NFYC: variants seen among roughly 807,000 people sequenced by gnomAD.
NFYC encodes nuclear transcription factor Y subunit gamma.
In NFYC, 25 loss-of-function variants were observed where a neutral mutation model predicts 53.1. That is an observed-to-expected ratio of 0.47 (90% confidence interval 0.34 to 0.66). The LOEUF is 0.66. Ranked by LOEUF, NFYC falls within the 30% of genes least tolerant of loss-of-function variation. NFYC has a pLI of 0.01. For synonymous variants in NFYC, 145 were observed against 152.6 expected, an observed-to-expected ratio of 0.95 and a Z score of 0.37; for missense variants, 260 against 422.7, an observed-to-expected ratio of 0.62 and a Z score of 3.38.
intron 1 of NFYC, among the ~76,000 whole-genome samples, chr1:40,733,283 A>T (rs924259448): frequency 2.0e-5 from 3 of 151,740 alleles, no homozygotes; most frequent in African/African-American, 7.3e-5. Flanking sequence ...GGGCCTCCTT[A>T]ATGCTCCCAA....
In NFYC at chr1:40,749,590, G is replaced by A. The variant is rs778310780; in HGVS notation, c.195G>A (p.Ala65=). Residue 65 remains alanine (A), a synonymous_variant, in exon 4 of 10, where the codon GCG becomes GCA. Coordinates refer to ENST00000447388, the MANE Select transcript of NFYC (RefSeq NM_014223.5). ...DEDVKMISAE[A]PVLFAKAAQI... ...TGTTACAGATGATCAGTGCAGAAGC[G>A]CCTGTACTCTTTGCCAAGGCAGCCC... 12 of 1,613,746 alleles carry A rather than the reference G, an allele frequency of 7.4e-6. No individual in the cohort carries two copies. Among genetic ancestry groups the A allele is most frequent in the South Asian group, 6.6e-5 (6 of 91,074 alleles).
At chr1:40,709,475 G>A (rs1370279597) in intron 1 of NFYC, 2 of 152,292 alleles carry the variant, frequency 1.3e-5, no homozygotes, top group Non-Finnish European at 2.9e-5. Context: ...TTTCAGTGGA[G>A]TGGACATTCC....
intron 1 of NFYC, among the ~76,000 whole-genome samples, chr1:40,704,532 T>C (rs766006013): frequency 5.3e-5 from 8 of 152,228 alleles, no homozygotes; most frequent in African/African-American, 7.2e-5. Context: ...TAAGAGTGAA[T>C]GGATTCAGCT....
intron 6 of NFYC, among the ~76,000 whole-genome samples, chr1:40,760,212 C>T (rs992974444): frequency 2.0e-5 from 3 of 152,188 alleles, no homozygotes; most frequent in Non-Finnish European, 4.4e-5. Context: ...CCACCTTGGC[C>T]TCCCACAGTG....
intron 5 of NFYC, chr1:40,757,232 C>T (rs1436182180): frequency 1.6e-5 from 7 of 427,062 alleles, no homozygotes; most frequent in African/African-American, 6.0e-5. Flanking sequence ...GATCAGACGC[C>T]GTTCTGTGTC....
At chr1:40,734,340 CTTTATTTA>C (rs34100786) in intron 1 of NFYC, among the ~76,000 whole-genome samples, 3,471 of 146,602 alleles carry the variant, frequency 0.024, 99 homozygotes, top group African/African-American at 0.072. Context: ...ACTACGGTTG[CTTTATTTA>C]TTTATTTATT....
At chr1:40,761,641 A>G (rs1464916015) in intron 6 of NFYC, among the ~76,000 whole-genome samples, 2 of 152,178 alleles carry the variant, frequency 1.3e-5, no homozygotes, top group African/African-American at 4.8e-5. Flanking sequence ...CCTCCAGTTT[A>G]TAGTAATTTC....
At chr1:40,752,021 T>C (rs1459324312) in intron 4 of NFYC, among the ~76,000 whole-genome samples, 1 of 152,138 alleles carries the variant, frequency 6.6e-6, no homozygotes, top group Non-Finnish European at 1.5e-5. Flanking sequence ...ATTTCCATCC[T>C]CTCCTGTTTT....
At chr1:40,767,034 T>A (rs1646848510) in intron 8 of NFYC, 1 of 1,507,382 alleles carries the variant, frequency 6.6e-7, no homozygotes, top group African/African-American at 1.4e-5. Flanking sequence ...TCAGGCTGTT[T>A]CCATCTTTAA....
intron 7 of NFYC, chr1:40,763,269 TAC>T (rs1176931714): frequency 6.4e-6 from 3 of 468,294 alleles, no homozygotes; most frequent in Non-Finnish European, 1.2e-5. Context: ...GCTATATATA[TAC>T]CTTGATATAT....
intron 6 of NFYC, 96 bp downstream of exon 6, chr1:40,758,390 A>C: frequency 4.6e-6 from 6 of 1,301,320 alleles, no homozygotes; most frequent in Non-Finnish European, 6.2e-6. Flanking sequence ...CAGCCAGATC[A>C]TTATAGAGCA....
chr1:40,733,905 G>A (rs1357912636), intron 1 of NFYC, among the ~76,000 whole-genome samples: 2 of 151,936 alleles, frequency 1.3e-5, no homozygotes, highest in South Asian at 2.1e-4. Flanking sequence ...CACCATGCTC[G>A]GCTAATGTAT....
At chr1:40,709,205 A>G (rs763372226) in intron 1 of NFYC, among the ~76,000 whole-genome samples, 10 of 152,168 alleles carry the variant, frequency 6.6e-5, no homozygotes, top group Non-Finnish European at 1.2e-4. Flanking sequence ...AAGTGTACAA[A>G]AGAGGTAACT....
chr1:40,721,272 T>G (rs1194239561), intron 1 of NFYC, among the ~76,000 whole-genome samples: 4 of 152,206 alleles, frequency 2.6e-5, no homozygotes, highest in African/African-American at 9.7e-5. Context: ...CCTTAAACAT[T>G]GGTTTCAACC....
intron 1 of NFYC, among the ~76,000 whole-genome samples, chr1:40,701,251 G>T (rs1263576187): frequency 6.6e-6 from 1 of 152,044 alleles, no homozygotes; most frequent in African/African-American, 2.4e-5. Context: ...GAGTAGCTGG[G>T]ATTACAGGTG....
intron 1 of NFYC, among the ~76,000 whole-genome samples, chr1:40,701,161 A>G (rs570996290): frequency 2.0e-5 from 3 of 152,098 alleles, no homozygotes; most frequent in African/African-American, 2.4e-5. Context: ...CATTGGTGCA[A>G]TCTTGGCTCA....
rs371865738 is a variant in NFYC, at chr1:40,769,305, G to A, written c.829-51G>A. On this transcript the variant is annotated intron_variant, in intron 8 of 9. Coordinates refer to ENST00000447388, the MANE Select transcript of NFYC (RefSeq NM_014223.5). ...ACCCTCTTTTGGGTGGTGGGCTGGT[G>A]GATCAGACCCTGCAGCTGACATACC... 57 of 1,577,572 alleles carry A rather than the reference G, an allele frequency of 3.6e-5. No individual in the cohort carries two copies. The Admixed American group carries it at 9.0e-4, about 25-fold the overall frequency.
rs763338705 is a variant in NFYC at position 40,770,342 on chromosome 1, A to G, written c.889-367A>G. The stretch of plus-strand genomic sequence containing the variant: ...GTGTAGATTACCAAGAGTTGGGGAA[A>G]TGCTGACTTCCAAGCTGCTGGTACA... On this transcript the variant is annotated intron_variant, in intron 9 of 9. Coordinates refer to ENST00000447388, the MANE Select transcript of NFYC (RefSeq NM_014223.5). This position sits in a 1 kb window ranked among gnomAD's most constrained non-coding sequence, Gnocchi z 5.3. The G allele has an allele frequency of 2.7e-4, 399 of 1,481,692 alleles. No homozygotes were observed. The highest frequency in any genetic ancestry group is 3.3e-4 in the Non-Finnish European group (361 of 1,101,690). 91.8% of individuals were successfully genotyped at this position (1,481,692 alleles called of 1,614,324 possible). A position where few individuals can be genotyped will look rare whatever the true frequency, so the allele number is the denominator to read the frequency against.
intron 1 of NFYC, among the ~76,000 whole-genome samples, chr1:40,716,628 C>A (rs1644145982): frequency 6.6e-6 from 1 of 152,114 alleles, no homozygotes; most frequent in Admixed American, 6.6e-5. Flanking sequence ...ATTTATTATA[C>A]ATCTTAGGTT....
Sources: allele counts gnomAD v4.1 joint callset (sites outside exome capture counted in the v4.1 genomes callset), GRCh38; gene constraint gnomAD v4.1.1; non-coding constraint Gnocchi (gnomAD v3.1); transcripts MANE v1.5; gene names NCBI Gene and HGNC (gene_info 2026-07-23, HGNC 2026-07-21).